Variants in NEU3 observed in about 807,000 individuals in gnomAD.
NEU3 encodes neuraminidase 3.
NEU3 carries 10 observed loss-of-function variants against 11.4 expected under a neutral mutation model. The ratio of observed to expected loss-of-function variants is 0.88; its 90% confidence interval spans 0.54 to 1.49. The LOEUF (loss-of-function observed/expected upper bound fraction) is 1.49, where lower values mean the gene tolerates loss of function less well. NEU3 is among the 40% of genes most tolerant of loss of function. The probability of loss-of-function intolerance (pLI) is 0.00; values close to 1 mark genes in which losing one functional copy is unlikely to be tolerated. For synonymous variants in NEU3, 212 were observed against 228.2 expected (o/e 0.93, Z 0.64); for missense variants, 529 against 581.8 (o/e 0.91, Z 0.93).
downstream of NEU3, among the ~76,000 whole-genome samples, chr11:75,011,110 A>G (rs932785464): frequency 7.9e-5 from 12 of 152,216 alleles, no homozygotes; most frequent in African/African-American, 2.9e-4. Context: ...GAAGCAGAGC[A>G]GGGATTACAA....
At chr11:74,994,058 A>G (rs1465136872) in intron 1 of NEU3, among the ~76,000 whole-genome samples, 1 of 152,208 alleles carries the variant, frequency 6.6e-6, no homozygotes, top group Non-Finnish European at 1.5e-5. Context: ...GATAGAAGAC[A>G]AAGAGATTGC....
Position 75,005,970 on chromosome 11 carries a change from C to G in NEU3, c.864C>G (p.Leu288=). 6.2e-7 allele frequency: 1 copy of G among 1,613,924 alleles called. No individual in the cohort carries two copies. Among genetic ancestry groups the G allele is most frequent in the Non-Finnish European group, 8.5e-7 (1 of 1,179,892 alleles). ...RTPNRCRAEA[L]STDHGEGFQR... Reference sequence around the variant, plus strand: ...CAAACAGGTGCCGGGCAGAGGCGCTCAGCACTGACCATGGTGAAGGCTTTC... The same window carrying G: ...CAAACAGGTGCCGGGCAGAGGCGCTGAGCACTGACCATGGTGAAGGCTTTC... Residue 288 remains leucine, a synonymous_variant, in exon 3 of 3, where the codon CTC becomes CTG. Transcript: ENST00000294064.
At chr11:74,999,717 C>T (rs533038403) in intron 2 of NEU3, among the ~76,000 whole-genome samples, 1 of 152,300 alleles carries the variant, frequency 6.6e-6, no homozygotes, top group Admixed American at 6.5e-5. Context: ...ATTGCTGTGG[C>T]AGCTGGTTTT....
Position 75,016,004 on chromosome 11 carries a change from C to T in NEU3, c.*2-2687C>T, listed in dbSNP as rs139715520. On this transcript the variant is annotated intron_variant, in intron 3 of 3. Transcript: ENST00000529024. ...AGCCGAGGACTGGATAGTCTGTGGACAAAGAGACCTCGAGTTACTTGGGCT... is the reference window on the plus strand; with the variant it reads ...AGCCGAGGACTGGATAGTCTGTGGATAAAGAGACCTCGAGTTACTTGGGCT... Among the ~76,000 whole-genome samples the T allele has an allele frequency of 3.3e-3, 510 of 152,262 alleles. 3 individuals are homozygous for T. The highest frequency in any genetic ancestry group is 0.012 in the African/African-American group (490 of 41,554).
intron 2 of NEU3, among the ~76,000 whole-genome samples, chr11:75,002,974 T>C (rs1409271662): frequency 1.3e-5 from 2 of 152,234 alleles, no homozygotes; most frequent in Admixed American, 1.3e-4. Flanking sequence ...TGTTGTTGGA[T>C]ACTTGGGTTA....
chr11:75,012,150 G>A (rs1432765188), downstream of NEU3, among the ~76,000 whole-genome samples: 1 of 152,120 alleles, frequency 6.6e-6, no homozygotes, highest in African/African-American at 2.4e-5. Flanking sequence ...AGAGGTTTGG[G>A]GACTTAGCGG....
chr11:75,019,104 G>T (rs985492736), downstream of NEU3, among the ~76,000 whole-genome samples: 1 of 152,202 alleles, frequency 6.6e-6, no homozygotes, highest in Non-Finnish European at 1.5e-5. Flanking sequence ...GCATTCAAGA[G>T]GTGACTTGGG....
In NEU3 at chr11:75,006,786, A is replaced by G. The variant is rs551138827; in HGVS notation, c.*294A>G. The G allele has an allele frequency of 3.1e-6, 1 of 324,562 alleles. No homozygotes were observed. The highest frequency in any genetic ancestry group is 4.6e-5 in the Admixed American group (1 of 21,756). 20.1% of individuals were successfully genotyped at this position (324,562 alleles called of 1,614,324 possible). A position where few individuals can be genotyped will look rare whatever the true frequency, so the allele number is the denominator to read the frequency against. On this transcript the variant is annotated 3_prime_UTR_variant, in exon 3 of 3. Transcript: ENST00000294064. ...CTCAGGTTTCCATCTGTAAAATGAG[A>G]GTATTGGTTCTAAGATTTCTCATCT...
intron 1 of NEU3, 49 bp from the exon 2 acceptor site, chr11:74,994,460 G>C (rs766673480): frequency 1.4e-6 from 2 of 1,435,942 alleles, no homozygotes; most frequent in South Asian, 2.8e-5. Flanking sequence ...TTATATGCAG[G>C]CCAGCATCTG....
intron 1 of NEU3, chr11:74,989,878 C>T (rs1948711379): frequency 1.8e-5 from 12 of 677,590 alleles, no homozygotes; most frequent in South Asian, 6.3e-5. Flanking sequence ...GTGATTATAT[C>T]GAGCAGCAAG....
At chr11:74,995,556 A>C (rs949730344) in intron 2 of NEU3, among the ~76,000 whole-genome samples, 1 of 152,222 alleles carries the variant, frequency 6.6e-6, no homozygotes, top group Non-Finnish European at 1.5e-5. Flanking sequence ...AAAACAAGAC[A>C]CATAAATTTT....
In NEU3 at chr11:75,006,591, G is replaced by C; in HGVS notation, c.*99G>C. 7.2e-7 allele frequency: 1 copy of C among 1,386,236 alleles called. No individual in the cohort carries two copies. The highest frequency in any genetic ancestry group is 9.6e-7 in the Non-Finnish European group (1 of 1,041,154). 85.9% of individuals were successfully genotyped at this position (1,386,236 alleles called of 1,614,324 possible). A position where few individuals can be genotyped will look rare whatever the true frequency, so the allele number is the denominator to read the frequency against. On this transcript the variant is annotated 3_prime_UTR_variant, in exon 3 of 3. Coordinates refer to ENST00000294064, the MANE Select transcript of NEU3 (RefSeq NM_006656.6). ...AGATAATCAAAAAACTTAATATTCT[G>C]TTCCCTACCTTTTTTCACTTTTCCT...
At chr11:74,990,739 G>A (rs1948722975) in intron 1 of NEU3, among the ~76,000 whole-genome samples, 1 of 152,158 alleles carries the variant, frequency 6.6e-6, no homozygotes, top group African/African-American at 2.4e-5. Context: ...GAGAATTCCT[G>A]TTTAGATTTA....
At position 74,994,667 on chromosome 11, in the gene NEU3, G is replaced by C. The variant is rs764171047; in HGVS notation, c.253G>C (p.Asp85His). 1.2e-5 allele frequency: 19 copies of C among 1,613,852 alleles called. No individual in the cohort carries two copies. The highest frequency in any genetic ancestry group is 1.6e-5 in the Non-Finnish European group (19 of 1,179,880). Residue 85 changes from aspartate (D) to histidine (H), a missense_variant, in exon 2 of 3, where the codon GAT becomes CAT. Transcript: ENST00000294064. ...AEKRSTRRDE[D>H]ALHLVLRRGL... ...GAAGCGTTCTACGAGGAGAGATGAG[G>C]ATGCTCTCCACCTGGTGCTGAGGCG...
chr11:75,005,916 C>T lies in NEU3; in HGVS notation c.810C>T (p.His270=). The T allele has an allele frequency of 1.2e-6, 2 of 1,613,608 alleles. No homozygotes were observed. The highest frequency in any genetic ancestry group is 2.2e-5 in the East Asian group (1 of 44,868). Residue 270 remains histidine (H), a synonymous_variant, in exon 3 of 3, where the codon CAC becomes CAT. Transcript: ENST00000294064. ...EVAEVTGRAG[H]PVLYCSARTP... ...CAGAGGTGACTGGGAGGGCTGGCCA[C>T]CCTGTGCTATATTGCAGTGCCCGGA...
At chr11:74,981,872 A>G in the NEU3 span, among the ~76,000 whole-genome samples, 1 of 152,190 alleles carries the variant, frequency 6.6e-6, no homozygotes, top group East Asian at 1.9e-4. Flanking sequence ...GGAGGAGGAA[A>G]GAGTCCTGAG....
intron 1 of NEU3, among the ~76,000 whole-genome samples, chr11:74,992,892 G>A (rs1948747569): frequency 2.0e-5 from 3 of 152,108 alleles, no homozygotes; most frequent in South Asian, 4.1e-4. Context: ...CCCAGGAGGT[G>A]GAGGTTGCAG....
At chr11:75,017,160 G>A (rs981943502) in intron 3 of NEU3, among the ~76,000 whole-genome samples, 2 of 152,208 alleles carry the variant, frequency 1.3e-5, no homozygotes, top group Admixed American at 6.5e-5. Context: ...CAACTCTTGG[G>A]AGAGTAGGCT....
At chr11:74,982,745 G>A in the NEU3 span, among the ~76,000 whole-genome samples, 1 of 152,014 alleles carries the variant, frequency 6.6e-6, no homozygotes, top group Non-Finnish European at 1.5e-5. Context: ...CAGGAGAGCA[G>A]CGAAAAAAAA....
Sources: gnomAD v4.1 joint callset for allele counts (sites outside exome capture counted in the v4.1 genomes callset) on GRCh38, gnomAD v4.1.1 for gene constraint, MANE v1.5 for transcripts, NCBI Gene and HGNC (gene_info 2026-07-23, HGNC 2026-07-21) for gene names.